WASF2: variants seen among roughly 807,000 people sequenced by gnomAD.
WASF2 encodes the protein WASP family member 2, also known as actin-binding protein WASF2.
In WASF2, 14 loss-of-function variants were observed where a neutral mutation model predicts 45.0. The observed-to-expected ratio is 0.31, with a 90% confidence interval of 0.21 to 0.49. WASF2 has a LOEUF of 0.49. Ranked by LOEUF, WASF2 falls within the 20% of genes least tolerant of loss-of-function variation. The pLI, the probability that WASF2 is intolerant of heterozygous loss-of-function variation, is 0.99. For missense variants in WASF2, 439 were observed against 636.1 expected, an observed-to-expected ratio of 0.69 and a Z score of 3.33; for synonymous variants, 200 against 236.3, an observed-to-expected ratio of 0.85 and a Z score of 1.41.
At chr1:27,443,606 T>A (rs973016057) in intron 1 of WASF2, among the ~76,000 whole-genome samples, 1 of 151,102 alleles carries the variant, frequency 6.6e-6, no homozygotes, top group Non-Finnish European at 1.5e-5. Flanking sequence ...AGAGCAAAAC[T>A]CCACCTCAAA....
At chr1:27,472,666 AAAAAAAAAG>A (rs1282193724) in intron 1 of WASF2, among the ~76,000 whole-genome samples, 6 of 146,486 alleles carry the variant, frequency 4.1e-5, no homozygotes, top group African/African-American at 1.3e-4. Flanking sequence ...AAAAAAAAAA[AAAAAAAAAG>A]GGGAAATCAG....
At chr1:27,464,876 G>A (rs879900635) in intron 1 of WASF2, among the ~76,000 whole-genome samples, 1 of 152,110 alleles carries the variant, frequency 6.6e-6, no homozygotes, top group African/African-American at 2.4e-5. Context: ...TTACAGGCGC[G>A]TGCCACCACG....
intron 1 of WASF2, among the ~76,000 whole-genome samples, chr1:27,477,195 G>T (rs1030994142): frequency 6.6e-6 from 1 of 152,190 alleles, no homozygotes; most frequent in Non-Finnish European, 1.5e-5. Context: ...AGATATCACA[G>T]AAGACCAAAG....
intron 1 of WASF2, among the ~76,000 whole-genome samples, chr1:27,452,238 C>T: frequency 6.6e-6 from 1 of 152,172 alleles, no homozygotes; most frequent in Non-Finnish European, 1.5e-5. Flanking sequence ...ACGCAGGCTG[C>T]GCGCCGTGGC....
chr1:27,454,979 A>G (rs919165480), intron 1 of WASF2, among the ~76,000 whole-genome samples: 1 of 152,118 alleles, frequency 6.6e-6, no homozygotes, highest in Non-Finnish European at 1.5e-5. Context: ...CTTTAGGGTA[A>G]ATACCCAGGA....
chr1:27,454,578 T>TCC (rs899709293), intron 1 of WASF2, among the ~76,000 whole-genome samples: 1 of 152,076 alleles, frequency 6.6e-6, no homozygotes, highest in Non-Finnish European at 1.5e-5. Context: ...GCTCAAGGGA[T>TCC]CCTCCCGCCT....
At chr1:27,431,897 C>T (rs1354996185) in intron 1 of WASF2, among the ~76,000 whole-genome samples, 1 of 152,126 alleles carries the variant, frequency 6.6e-6, no homozygotes, top group Non-Finnish European at 1.5e-5. Context: ...GGAGGGTACT[C>T]GAGAAATAAC....
chr1:27,409,611 C>T (rs1437095265), intron 8 of WASF2, 81 bp downstream of exon 8: 1 of 1,383,326 alleles, frequency 7.2e-7, no homozygotes, highest in East Asian at 2.7e-5. Flanking sequence ...GCACAGGGAC[C>T]CCCTCACCCA....
At chr1:27,409,428 CAAAA>C (rs60940665) in intron 8 of WASF2, among the ~76,000 whole-genome samples, 16 of 43,690 alleles carry the variant, frequency 3.7e-4, no homozygotes, top group Non-Finnish European at 8.2e-4. Context: ...CTGTCCCCCA[CAAAA>C]AAAAAAAAAA....
chr1:27,440,540 G>GTCAT (rs1184548719), intron 1 of WASF2, among the ~76,000 whole-genome samples: 1 of 150,778 alleles, frequency 6.6e-6, no homozygotes, highest in Non-Finnish European at 1.5e-5. Context: ...AAAAAGCGAT[G>GTCAT]TTAAAATGTG....
intron 1 of WASF2, among the ~76,000 whole-genome samples, chr1:27,468,152 T>C (rs2017640698): frequency 6.6e-6 from 1 of 151,986 alleles, no homozygotes; most frequent in Non-Finnish European, 1.5e-5. Context: ...AGGCTGAAAT[T>C]TTAAATTTAA....
chr1:27,486,662 G>A (rs1005210660), intron 1 of WASF2, among the ~76,000 whole-genome samples: 2 of 152,106 alleles, frequency 1.3e-5, no homozygotes, highest in African/African-American at 4.8e-5. Flanking sequence ...GGTGGCTCAC[G>A]CCTGTAATCC....
At chr1:27,471,344 C>CA (rs35393807) in intron 1 of WASF2, among the ~76,000 whole-genome samples, 4,489 of 52,540 alleles carry the variant, frequency 0.085, 547 homozygotes, top group East Asian at 0.45. Flanking sequence ...GACTCTGTCT[C>CA]AAAAAAAAAA....
At chr1:27,432,571 C>G (rs940014530) in intron 1 of WASF2, among the ~76,000 whole-genome samples, 1 of 126,174 alleles carries the variant, frequency 7.9e-6, no homozygotes, top group Non-Finnish European at 1.6e-5. Context: ...TGGTGTGAAC[C>G]TGGGAGGCGG....
At position 27,410,426 on chromosome 1, in the gene WASF2, G is replaced by GA. The variant is rs937594220; in HGVS notation, c.825-221dup. 3.3e-5 allele frequency among the ~76,000 whole-genome samples: 5 copies of GA among 152,314 alleles called. No individual in the cohort carries two copies. The highest frequency in any genetic ancestry group is 1.2e-4 in the African/African-American group (5 of 41,564). On this transcript the variant is annotated intron_variant, in intron 7 of 8. Coordinates refer to ENST00000618852, the MANE Select transcript of WASF2 (RefSeq NM_006990.5). This position sits in a 1 kb window ranked among gnomAD's most constrained non-coding sequence, Gnocchi z 4.2. ...TCCCACCAGTAGAGGAGGATAGACAGATTGAGTAAAACTACCTGCAAGAAG... is the reference window on the plus strand; with the variant it reads ...TCCCACCAGTAGAGGAGGATAGACAGAATTGAGTAAAACTACCTGCAAGAAG...
At position 27,418,520 on chromosome 1, in the gene WASF2, G is replaced by C; in HGVS notation, c.266-98C>G. On this transcript the variant is annotated intron_variant, in intron 3 of 8. Coordinates refer to ENST00000618852, the MANE Select transcript of WASF2 (RefSeq NM_006990.5). ...AGAGGCCTCAGCTGCTGCACTTCTT[G>C]GCTGTGGCTGTCCGCAGCCAGGCTT... is the stretch of plus-strand genomic sequence containing the variant. The C allele has an allele frequency of 2.6e-6, 4 of 1,516,756 alleles. 1 individual carries two copies. The Admixed American group carries it at 5.9e-5, about 22-fold the overall frequency. 94.0% of individuals were successfully genotyped at this position (1,516,756 alleles called of 1,614,324 possible). A position where few individuals can be genotyped will look rare whatever the true frequency, so the allele number is the denominator to read the frequency against.
chr1:27,415,192 C>T (rs1220486016), intron 5 of WASF2, among the ~76,000 whole-genome samples: 2 of 152,202 alleles, frequency 1.3e-5, no homozygotes, highest in Non-Finnish European at 2.9e-5. Flanking sequence ...CCTCCAGCAA[C>T]GGGAACCCCA....
chr1:27,447,943 T>A (rs1005631945), intron 1 of WASF2, among the ~76,000 whole-genome samples: 1 of 152,220 alleles, frequency 6.6e-6, no homozygotes, highest in African/African-American at 2.4e-5. Context: ...TTTAAAGGGA[T>A]TGATTTTCTA....
chr1:27,439,253 T>C (rs1049487754), intron 1 of WASF2, among the ~76,000 whole-genome samples: 20 of 152,202 alleles, frequency 1.3e-4, no homozygotes, highest in African/African-American at 4.8e-4. Flanking sequence ...AAATAATGCA[T>C]GTATAAAACG....
Sources: allele counts gnomAD v4.1 joint callset (sites outside exome capture counted in the v4.1 genomes callset), GRCh38; gene constraint gnomAD v4.1.1; non-coding constraint Gnocchi (gnomAD v3.1); transcripts MANE v1.5; gene names NCBI Gene and HGNC (gene_info 2026-07-23, HGNC 2026-07-21).